MARVELD2: variants seen among roughly 807,000 people sequenced by gnomAD.
MARVELD2 encodes MARVEL domain-containing protein 2.
A neutral mutation model predicts 57.6 loss-of-function variants in MARVELD2; 49 were observed. The observed-to-expected ratio is 0.85, with a 90% CI of 0.68 to 1.08. MARVELD2 has a LOEUF of 1.08. Ranked by LOEUF, MARVELD2 falls within the 50% of genes least tolerant of loss-of-function variation. The probability of loss-of-function intolerance (pLI) is 0.00; values close to 1 mark genes in which losing one functional copy is unlikely to be tolerated. For synonymous variants in MARVELD2, 238 were observed against 258.8 expected (o/e 0.92, Z 0.77); for missense variants, 606 against 701.1 (o/e 0.86, Z 1.53).
At chr5:69,423,686 T>C (rs1198596954) in intron 2 of MARVELD2, among the ~76,000 whole-genome samples, 1 of 152,074 alleles carries the variant, frequency 6.6e-6, no homozygotes, top group African/African-American at 2.4e-5. Flanking sequence ...TTGCTCAGGC[T>C]GGTCTCAAAC....
At chr5:69,430,425 A>T (rs1186912963) in intron 3 of MARVELD2, among the ~76,000 whole-genome samples, 1 of 152,118 alleles carries the variant, frequency 6.6e-6, no homozygotes, top group Non-Finnish European at 1.5e-5. Context: ...TATGTTGCCC[A>T]GGCTGGTCTC....
At chr5:69,433,152 GCTTT>G (rs1767020815) in intron 5 of MARVELD2, 59 bp downstream of exon 5, 1 of 962,994 alleles carries the variant, frequency 1.0e-6, no homozygotes, top group South Asian at 1.5e-5. Flanking sequence ...ATAAAATCTG[GCTTT>G]TTTTTTTTTT....
At chr5:69,431,998 C>G (rs1238102466) in intron 3 of MARVELD2, among the ~76,000 whole-genome samples, 1 of 151,428 alleles carries the variant, frequency 6.6e-6, no homozygotes, top group Non-Finnish European at 1.5e-5. Context: ...TACAGACACA[C>G]ACCGCTGCAT....
At chr5:69,434,487 T>C (rs1036795077) in intron 5 of MARVELD2, among the ~76,000 whole-genome samples, 3 of 146,310 alleles carry the variant, frequency 2.1e-5, no homozygotes, top group Non-Finnish European at 4.5e-5. Context: ...CAAGCAGATA[T>C]GAGATATGCT....
At chr5:69,431,227 G>T (rs1021389317) in intron 3 of MARVELD2, among the ~76,000 whole-genome samples, 3 of 150,622 alleles carry the variant, frequency 2.0e-5, no homozygotes, top group African/African-American at 7.3e-5. Flanking sequence ...CCATTGTCCT[G>T]CCTCAGCCTC....
rs1446382308 is a variant in MARVELD2, at chr5:69,419,228, A to G, written c.-15-143A>G. ...GGCATGAGCCACCGTGCCCGGTATC[A>G]TATTTATCATTTTTGTATATCATAA... On this transcript the variant is annotated intron_variant, in intron 1 of 6. Coordinates refer to ENST00000325631, the MANE Select transcript of MARVELD2 (RefSeq NM_001038603.3). 7.8e-6 allele frequency: 7 copies of G among 897,456 alleles called. No individual in the cohort carries two copies. In the Admixed American group the frequency reaches 1.3e-4, roughly 16 times the overall value. The allele number at this position is 897,456 out of a possible 1,614,324, so 55.6% of individuals were successfully genotyped here.
chr5:69,440,957 G>A (rs1361608264), intron 6 of MARVELD2, among the ~76,000 whole-genome samples: 2 of 152,026 alleles, frequency 1.3e-5, no homozygotes, highest in East Asian at 1.9e-4. Flanking sequence ...GGTGGCACAC[G>A]CCTGTAGCCC....
Position 69,441,722 on chromosome 5 carries a change from A to G in MARVELD2, c.*68A>G. On this transcript the variant is annotated 3_prime_UTR_variant, in exon 7 of 7. Coordinates refer to ENST00000325631, the MANE Select transcript of MARVELD2 (RefSeq NM_001038603.3). ...TTTTGAGATGAAGTCTCGCTCTGTT[A>G]CCCAGGCTGGAATGCAGTGGCACAA... The G allele has an allele frequency of 8.5e-7, 1 of 1,172,016 alleles. No individual in the cohort carries two copies. Among genetic ancestry groups the G allele is most frequent in the Non-Finnish European group, 1.2e-6 (1 of 824,868 alleles). The allele number at this position is 1,172,016 out of a possible 1,614,324, so 72.6% of individuals were successfully genotyped here.
At chr5:69,422,183 A>C (rs1766649698) in intron 2 of MARVELD2, among the ~76,000 whole-genome samples, 3 of 152,120 alleles carry the variant, frequency 2.0e-5, no homozygotes, top group Admixed American at 6.6e-5. Context: ...TGTGTGTTTG[A>C]ACAATATGAA....
At chr5:69,435,482 G>C (rs1183409595) in intron 5 of MARVELD2, among the ~76,000 whole-genome samples, 1 of 152,002 alleles carries the variant, frequency 6.6e-6, no homozygotes, top group East Asian at 1.9e-4. Flanking sequence ...GGCTGGGTGT[G>C]GTGGCTCATG....
At chr5:69,429,537 C>T (rs1456488836) in intron 3 of MARVELD2, among the ~76,000 whole-genome samples, 1 of 152,136 alleles carries the variant, frequency 6.6e-6, no homozygotes, top group Non-Finnish European at 1.5e-5. Flanking sequence ...TTCCCAAGCA[C>T]GATCTTACTT....
Position 69,441,568 on chromosome 5 carries a change from T to C in MARVELD2, c.1591T>C (p.Tyr531His). The C allele has an allele frequency of 6.2e-7, 1 of 1,605,672 alleles. No homozygotes were observed. The highest frequency in any genetic ancestry group is 8.5e-7 in the Non-Finnish European group (1 of 1,172,784). ...TCTGGAAAAAAAAGAACGCTGTGATTACCTAAAGAATAAACTTTCTCACAT... is the reference window on the plus strand; with the variant it reads ...TCTGGAAAAAAAAGAACGCTGTGATCACCTAAAGAATAAACTTTCTCACAT... ...TFLEKKERCD[Y>H]LKNKLSHIKQ... The change falls in exon 7 of 7, where the codon TAC (tyrosine) becomes CAC (histidine). Residue 531 changes from tyrosine to histidine, a missense_variant. By Grantham distance (83) the Tyr-to-His change is moderately conservative. Coordinates refer to ENST00000325631, the MANE Select transcript of MARVELD2 (RefSeq NM_001038603.3).
At chr5:69,438,847 C>T (rs1767237699) in intron 5 of MARVELD2, among the ~76,000 whole-genome samples, 2 of 151,780 alleles carry the variant, frequency 1.3e-5, no homozygotes, top group Non-Finnish European at 1.5e-5. Flanking sequence ...GATCGCACCA[C>T]TGCACTCCAG....
At chr5:69,437,986 G>T (rs1014734166) in intron 5 of MARVELD2, among the ~76,000 whole-genome samples, 1 of 152,066 alleles carries the variant, frequency 6.6e-6, no homozygotes, top group African/African-American at 2.4e-5. Flanking sequence ...ATCTAAAGTA[G>T]AAATATTAAC....
At chr5:69,425,622 A>C (rs1294391234) in intron 3 of MARVELD2, among the ~76,000 whole-genome samples, 1 of 151,688 alleles carries the variant, frequency 6.6e-6, no homozygotes, top group African/African-American at 2.4e-5. Flanking sequence ...AACTTTCTTC[A>C]CTTGTATTTA....
At chr5:69,422,187 A>G (rs1409919838) in intron 2 of MARVELD2, among the ~76,000 whole-genome samples, 2 of 152,218 alleles carry the variant, frequency 1.3e-5, no homozygotes, top group East Asian at 3.8e-4. Context: ...TGTTTGAACA[A>G]TATGAAATCT....
chr5:69,428,764 G>A (rs1039027498), intron 3 of MARVELD2, among the ~76,000 whole-genome samples: 2 of 152,136 alleles, frequency 1.3e-5, no homozygotes, highest in Admixed American at 1.3e-4. Flanking sequence ...GAGATCCAGA[G>A]GATCAACAAG....
intron 6 of MARVELD2, among the ~76,000 whole-genome samples, chr5:69,440,938 G>T (rs1435536864): frequency 6.6e-6 from 1 of 152,034 alleles, no homozygotes; most frequent in African/African-American, 2.4e-5. Flanking sequence ...ACAAGCATTA[G>T]CCGGTAGTGG....
chr5:69,429,844 T>C (rs1766903534), intron 3 of MARVELD2, among the ~76,000 whole-genome samples: 2 of 11,616 alleles, frequency 1.7e-4, no homozygotes, highest in Middle Eastern at 0.022. Context: ...AGACTCTGTA[T>C]CAAAAAAAAA....
Sources: allele counts gnomAD v4.1 joint callset (sites outside exome capture counted in the v4.1 genomes callset), GRCh38; gene constraint gnomAD v4.1.1; transcripts MANE v1.5; gene names NCBI Gene and HGNC (gene_info 2026-07-23, HGNC 2026-07-21).